NEBL: variants seen among roughly 807,000 people sequenced by gnomAD.
NEBL encodes nebulette.
NEBL carries 122 observed loss-of-function variants against 140.2 expected under a neutral mutation model. The ratio of observed to expected loss-of-function variants is 0.87; its 90% CI spans 0.75 to 1.01. The LOEUF is 1.01. Among genes scored for constraint, NEBL ranks in the 50% least tolerant of loss-of-function variants. The probability of loss-of-function intolerance (pLI) is 0.00; values close to 1 mark genes in which losing one functional copy is unlikely to be tolerated. For synonymous variants in NEBL, 436 were observed against 398.9 expected (o/e 1.09, Z -1.11); for missense variants, 1,365 against 1,231.3 (o/e 1.11, Z -1.62).
At chr10:20,978,430 CAA>C (rs113790766) in intron 3 of NEBL, among the ~76,000 whole-genome samples, 4 of 135,028 alleles carry the variant, frequency 3.0e-5, no homozygotes, top group African/African-American at 1.0e-4. Flanking sequence ...AAAAGCTAAC[CAA>C]AAAAAAAAAC....
chr10:21,036,064 G>T (rs966418322), intron 2 of NEBL, among the ~76,000 whole-genome samples: 1 of 152,070 alleles, frequency 6.6e-6, no homozygotes, highest in African/African-American at 2.4e-5. Flanking sequence ...TCAGGGAGCC[G>T]AGGCAGGAGA....
chr10:20,804,644 G>A (rs1837440869), intron 26 of NEBL: 1 of 152,162 alleles, frequency 6.6e-6, no homozygotes, highest in African/African-American at 2.4e-5. Context: ...ATTCCAGGCT[G>A]GGGGAACAGT....
chr10:21,109,791 G>A (rs977568320), intron 2 of NEBL, among the ~76,000 whole-genome samples: 1 of 152,116 alleles, frequency 6.6e-6, no homozygotes, highest in Non-Finnish European at 1.5e-5. Flanking sequence ...TTGCATAGAG[G>A]TGTTTATAGT....
chr10:20,795,429 A>G (rs2131663787), intron 26 of NEBL, among the ~76,000 whole-genome samples: 1 of 152,338 alleles, frequency 6.6e-6, no homozygotes, highest in South Asian at 2.1e-4. Context: ...GTAGAGGCAG[A>G]AATTCACCCA....
intron 16 of NEBL, among the ~76,000 whole-genome samples, chr10:20,829,948 C>T (rs1840247415): frequency 6.6e-6 from 1 of 152,182 alleles, no homozygotes; most frequent in African/African-American, 2.4e-5. Context: ...ATTTGGCATT[C>T]TTGAGAGAGT....
intron 9 of NEBL, 99 bp downstream of exon 9, chr10:20,858,141 A>C: frequency 2.2e-6 from 2 of 895,616 alleles, no homozygotes; most frequent in Non-Finnish European, 3.7e-6. Context: ...AGTGAGGCAC[A>C]GGCCTTCTAA....
chr10:20,935,533 G>A (rs1834435084), intron 4 of NEBL, among the ~76,000 whole-genome samples: 1 of 152,152 alleles, frequency 6.6e-6, no homozygotes, highest in Admixed American at 6.5e-5. Context: ...ACGGACTTTG[G>A]CAGATCTCCT....
chr10:20,897,197 G>A lies in NEBL; in HGVS notation c.9C>T (p.Val3=). 1 of 1,593,056 alleles carries A rather than the reference G, an allele frequency of 6.3e-7. No homozygotes were observed. Among genetic ancestry groups the A allele is most frequent in the Non-Finnish European group, 8.6e-7 (1 of 1,166,496 alleles). MR[V]PVFEDIKDET... ...CATCTTTTATATCCTCAAATACAGG[G>A]ACCCTCATTTTTACCCTTTAAAATA... Residue 3 remains valine (V), a synonymous_variant, in exon 1 of 28, where the codon GTC becomes GTT. Coordinates refer to ENST00000377122, the MANE Select transcript of NEBL (RefSeq NM_006393.3).
chr10:21,186,157 A>C lies in NEBL; in HGVS notation n.349-13680T>G, dbSNP rs372795267. Among the ~76,000 whole-genome samples, 8 of 152,272 alleles carry C rather than the reference A, an allele frequency of 5.3e-5. No individual in the cohort carries two copies. In the East Asian group the frequency reaches 9.6e-4, roughly 18 times the overall value. On this transcript the variant is annotated intron_variant and non_coding_transcript_variant, in intron 3 of 8. Transcript: ENST00000675702. ...CTAAGGCACACTTAAAACTTTAAAAAATGTGTTTTTATGCATAGAAAGCTG... is the reference window on the plus strand; with the variant it reads ...CTAAGGCACACTTAAAACTTTAAAACATGTGTTTTTATGCATAGAAAGCTG...
chr10:21,140,735 T>C (rs1332044479), intron 2 of NEBL, among the ~76,000 whole-genome samples: 1 of 152,168 alleles, frequency 6.6e-6, no homozygotes, highest in East Asian at 1.9e-4. Context: ...CTAATATGAA[T>C]TACAATGGGA....
chr10:21,084,643 C>T (rs1836538774), intron 2 of NEBL, among the ~76,000 whole-genome samples: 1 of 152,072 alleles, frequency 6.6e-6, no homozygotes, highest in Admixed American at 6.6e-5. Flanking sequence ...ACAATGAAGT[C>T]TCTTGAGGGA....
rs147969608 is a variant in NEBL, at chr10:20,952,020, T to A, written c.357+9652A>T. 5.1e-3 allele frequency among the ~76,000 whole-genome samples: 776 copies of A among 152,338 alleles called. 22 individuals are homozygous for A. The highest frequency in any genetic ancestry group is 0.046 in the Admixed American group (705 of 15,294). On this transcript the variant is annotated intron_variant, in intron 4 of 6. Transcript: ENST00000417816. ...TAGCACGGGACATGTGAAGTCCACA[T>A]TCTGAACTACATAATTCAACCAAGA...
At chr10:21,067,328 T>TGTTTA (rs1488128977) in intron 2 of NEBL, among the ~76,000 whole-genome samples, 2 of 152,168 alleles carry the variant, frequency 1.3e-5, no homozygotes, top group Non-Finnish European at 2.9e-5. Context: ...TGTTTAAAAA[T>TGTTTA]TCAGTTTTGT....
chr10:21,024,089 A>G (rs1035616271), intron 2 of NEBL, among the ~76,000 whole-genome samples: 30 of 152,086 alleles, frequency 2.0e-4, no homozygotes, highest in African/African-American at 6.5e-4. Flanking sequence ...AAAACATTGA[A>G]AAGCTTCTAC....
At chr10:20,864,327 A>T (rs1042521140) in intron 7 of NEBL, among the ~76,000 whole-genome samples, 5 of 152,190 alleles carry the variant, frequency 3.3e-5, no homozygotes, top group African/African-American at 1.2e-4. Flanking sequence ...TAGTTTTTTA[A>T]TGACTTTTTA....
intron 4 of NEBL, among the ~76,000 whole-genome samples, chr10:20,905,717 A>T (rs1375018510): frequency 2.6e-5 from 4 of 152,198 alleles, no homozygotes; most frequent in Non-Finnish European, 4.4e-5. Context: ...ATTTGCAAAG[A>T]CCCAGAGACA....
At chr10:20,889,337 A>C (rs988476488) in intron 3 of NEBL, among the ~76,000 whole-genome samples, 1 of 152,228 alleles carries the variant, frequency 6.6e-6, no homozygotes, top group Non-Finnish European at 1.5e-5. Flanking sequence ...CGTATTCCTC[A>C]GTCTGTGATT....
chr10:21,142,229 C>T (rs1839663697), intron 2 of NEBL, among the ~76,000 whole-genome samples: 1 of 152,138 alleles, frequency 6.6e-6, no homozygotes, highest in South Asian at 2.1e-4. Flanking sequence ...GAGACCATGA[C>T]CACATGGACC....
intron 2 of NEBL, among the ~76,000 whole-genome samples, chr10:21,091,253 G>A (rs981037510): frequency 3.6e-4 from 55 of 152,260 alleles, no homozygotes; most frequent in African/African-American, 1.3e-3. Flanking sequence ...GTTGGGGGCC[G>A]GAGGTTGCCC....
Sources: allele counts gnomAD v4.1 joint callset (sites outside exome capture counted in the v4.1 genomes callset), GRCh38; gene constraint gnomAD v4.1.1; transcripts MANE v1.5; gene names NCBI Gene and HGNC (gene_info 2026-07-23, HGNC 2026-07-21).